FHAD1: variants seen among roughly 807,000 people sequenced by gnomAD.
FHAD1 encodes the protein forkhead-associated domain-containing protein 1.
In FHAD1, 146 loss-of-function variants were observed where a neutral mutation model predicts 191.3. The observed-to-expected ratio is 0.76, with a 90% CI of 0.67 to 0.88. FHAD1 has a LOEUF of 0.88. FHAD1 is among the 40% of genes least tolerant of loss of function. FHAD1 has a pLI of 0.00. For missense variants in FHAD1, 1,635 were observed against 1,785.8 expected (o/e 0.92, Z 1.52); for synonymous variants, 616 against 672.3 (o/e 0.92, Z 1.29).
chr1:15,364,525 A>G (rs902871959), intron 23 of FHAD1, among the ~76,000 whole-genome samples: 31 of 152,158 alleles, frequency 2.0e-4, no homozygotes, highest in Admixed American at 1.4e-3. Context: ...CAGGAGAATC[A>G]CTTGAACCTG....
At chr1:15,323,021 A>G (rs994599296) in intron 10 of FHAD1, among the ~76,000 whole-genome samples, 5 of 152,068 alleles carry the variant, frequency 3.3e-5, no homozygotes, top group South Asian at 2.1e-4. Flanking sequence ...CCCCTGATAA[A>G]CCCGTCAATT....
chr1:15,244,051 ATT>A (rs60249162), upstream of FHAD1, among the ~76,000 whole-genome samples: 70 of 148,986 alleles, frequency 4.7e-4, no homozygotes, highest in Non-Finnish European at 1.3e-4. This position sits in a 1 kb window ranked among gnomAD's most constrained non-coding sequence, Gnocchi z 5.1. Context: ...AGAAACATCT[ATT>A]TTTTTTTTTC....
intron 18 of FHAD1, 87 bp from the exon 19 acceptor site, chr1:15,348,955 T>C (rs1689871932): frequency 1.5e-5 from 11 of 733,094 alleles, no homozygotes; most frequent in Non-Finnish European, 2.2e-5. Flanking sequence ...TTATTGTTAC[T>C]ATTATTATTA....
At chr1:15,269,435 T>C (rs973128856) in intron 2 of FHAD1, among the ~76,000 whole-genome samples, 2 of 152,246 alleles carry the variant, frequency 1.3e-5, no homozygotes, top group African/African-American at 4.8e-5. Context: ...TTTAGAAATG[T>C]GTTGTTTAAT....
chr1:15,312,436 G>A lies in FHAD1; in HGVS notation c.1040-621G>A, dbSNP rs915356993. Among the ~76,000 whole-genome samples, 1 of 152,176 alleles carries A rather than the reference G, an allele frequency of 6.6e-6. No homozygotes were observed. Among genetic ancestry groups the A allele is most frequent in the Non-Finnish European group, 1.5e-5 (1 of 68,026 alleles). Reference sequence around the variant, plus strand: ...AGCACTTTGGGAGACAGAGGCTGGTGGATTGCTTCAGCCTGGGAGTTTGAG... The same window carrying A: ...AGCACTTTGGGAGACAGAGGCTGGTAGATTGCTTCAGCCTGGGAGTTTGAG... On this transcript the variant is annotated intron_variant, in intron 7 of 33. Transcript: ENST00000688493. The surrounding 1 kb of genome is among the most constrained non-coding windows in gnomAD (Gnocchi z 4.7).
chr1:15,321,506 A>C (rs1676248163), intron 10 of FHAD1, among the ~76,000 whole-genome samples: 1 of 152,220 alleles, frequency 6.6e-6, no homozygotes, highest in South Asian at 2.1e-4. Context: ...CGCTTACCCC[A>C]TCCAGACTTA....
intron 2 of FHAD1, among the ~76,000 whole-genome samples, chr1:15,256,264 C>T (rs1648011094): frequency 6.6e-6 from 1 of 152,062 alleles, no homozygotes; most frequent in South Asian, 2.1e-4. Flanking sequence ...AACATGAATC[C>T]CAAGGCTTTC....
intron 28 of FHAD1, among the ~76,000 whole-genome samples, chr1:15,378,390 C>G (rs1430422381): frequency 1.3e-5 from 2 of 152,242 alleles, no homozygotes; most frequent in Non-Finnish European, 2.9e-5. Context: ...AGGACTGTGT[C>G]CCTGGAGGTC....
At chr1:15,286,547 G>A (rs538118344) in intron 3 of FHAD1, among the ~76,000 whole-genome samples, 11 of 152,274 alleles carry the variant, frequency 7.2e-5, no homozygotes, top group African/African-American at 2.6e-4. Context: ...CTCCACGTCT[G>A]GGCTGCACCC....
chr1:15,313,258 G>A, intron 8 of FHAD1, 71 bp downstream of exon 8: 1 of 1,344,230 alleles, frequency 7.4e-7, no homozygotes, highest in Non-Finnish European at 9.8e-7. Flanking sequence ...CACGTGATAT[G>A]CTTGTTTCAT....
intron 26 of FHAD1, among the ~76,000 whole-genome samples, chr1:15,374,090 A>G (rs750782529): frequency 6.6e-6 from 1 of 152,168 alleles, no homozygotes; most frequent in Non-Finnish European, 1.5e-5. Context: ...CCTAGCAAAT[A>G]TTAAATAATC....
At chr1:15,355,895 T>C (rs576595163) in intron 20 of FHAD1, among the ~76,000 whole-genome samples, 5 of 139,414 alleles carry the variant, frequency 3.6e-5, no homozygotes, top group Non-Finnish European at 8.2e-5. Flanking sequence ...AAGTGTTTTC[T>C]TTCCTGATTA....
rs1423556883 is a variant in FHAD1 at position 15,301,278 on chromosome 1, A to G, written c.752A>G (p.Asp251Gly). 5.2e-6 allele frequency: 8 copies of G among 1,551,624 alleles called. No homozygotes were observed. In the Admixed American group the frequency reaches 1.6e-4, roughly 30 times the overall value. The change falls in exon 6 of 34, where the codon GAC (aspartate) becomes GGC (glycine). Residue 251 changes from aspartate to glycine, a missense_variant. Transcript: ENST00000688493. ...TATGAAATTGAATCCAAATACAAAG[A>G]CGTCATAATAGCAAACCTGCAGAAT... ...SDYEIESKYK[D>G]VIIANLQNEV... is the part of the protein sequence containing the mutation.
At chr1:15,301,503 C>A in intron 6 of FHAD1, 62 bp downstream of exon 6, 1 of 1,462,340 alleles carries the variant, frequency 6.8e-7, no homozygotes, top group African/African-American at 1.4e-5. Flanking sequence ...GCCCCAGGAC[C>A]ACCAACCAAG....
At chr1:15,362,602 C>T (rs1204981051) in intron 22 of FHAD1, 40 bp from the exon 23 acceptor site, 1 of 1,488,534 alleles carries the variant, frequency 6.7e-7, no homozygotes, top group Non-Finnish European at 9.2e-7. Flanking sequence ...AGGGGAAGGA[C>T]AGTTTCCTCT....
chr1:15,314,408 G>A (rs924958315), intron 8 of FHAD1: 3 of 152,168 alleles, frequency 2.0e-5, no homozygotes, highest in Non-Finnish European at 4.4e-5. Context: ...GTGGGCTTTT[G>A]TTATAACTGA....
At chr1:15,302,501 A>G (rs923359776) in intron 6 of FHAD1, among the ~76,000 whole-genome samples, 2 of 152,156 alleles carry the variant, frequency 1.3e-5, no homozygotes, top group African/African-American at 4.8e-5. Flanking sequence ...TGAGGCAGGC[A>G]GATCACAAGG....
chr1:15,345,256 C>A, intron 17 of FHAD1, 66 bp downstream of exon 17: 1 of 1,450,090 alleles, frequency 6.9e-7, no homozygotes, highest in Non-Finnish European at 9.5e-7. Context: ...GGATCTGGGG[C>A]TCTGGTCTGG....
intron 24 of FHAD1, 43 bp from the exon 25 acceptor site, chr1:15,367,420 C>T (rs976777368): frequency 1.7e-5 from 26 of 1,537,000 alleles, no homozygotes; most frequent in African/African-American, 8.3e-5. Flanking sequence ...CACTTGAACC[C>T]GGGAGGCAGA....
Sources: gnomAD v4.1 joint callset for allele counts (sites outside exome capture counted in the v4.1 genomes callset) on GRCh38, gnomAD v4.1.1 for gene constraint, Gnocchi (gnomAD v3.1) non-coding constraint, MANE v1.5 for transcripts, NCBI Gene and HGNC (gene_info 2026-07-23, HGNC 2026-07-21) for gene names.